The following TAFA4 variants were observed in gnomAD, a reference collection of about 807,000 sequenced individuals.
TAFA4 encodes the protein TAFA chemokine like family member 4.
TAFA4 carries 20 observed loss-of-function variants against 21.1 expected under a neutral mutation model. The observed-to-expected ratio is 0.95, with a 90% CI of 0.67 to 1.38. The LOEUF is 1.38. Ranked by LOEUF, TAFA4 falls within the 40% of genes most tolerant of loss-of-function variation. The probability of loss-of-function intolerance (pLI) is 0.00; values close to 1 mark genes in which losing one functional copy is unlikely to be tolerated. For synonymous variants in TAFA4, 71 were observed against 67.4 expected (o/e 1.05, Z -0.26); for missense variants, 211 against 180.9 (o/e 1.17, Z -0.95).
intron 3 of TAFA4, among the ~76,000 whole-genome samples, chr3:68,787,554 G>A (rs1052194522): frequency 1.3e-5 from 2 of 152,050 alleles, no homozygotes; most frequent in Admixed American, 6.6e-5. Context: ...AGGGAAGAGG[G>A]CGAACGTCCA....
chr3:68,879,181 C>T lies in TAFA4; in HGVS notation c.130+1549G>A, dbSNP rs528380210. Among the ~76,000 whole-genome samples the T allele has an allele frequency of 2.0e-5, 3 of 152,240 alleles. No individual in the cohort carries two copies. In the East Asian group the frequency reaches 5.8e-4, roughly 29 times the overall value. On this transcript the variant is annotated intron_variant, in intron 3 of 5. Transcript: ENST00000295569. ...GCCTCTCTGGACACTCAGACACAGC[C>T]GTTTGCAGATAACACTCTGCAACTT...
chr3:68,736,816 A>G (rs6786379), intron 5 of TAFA4, among the ~76,000 whole-genome samples: 96,832 of 151,974 alleles, frequency 0.64, 31,314 homozygotes, highest in East Asian at 0.86. Context: ...ACACTGACTT[A>G]GATTAATAAA....
intron 1 of TAFA4, among the ~76,000 whole-genome samples, chr3:68,931,907 C>A (rs1245724302): frequency 6.6e-6 from 1 of 152,168 alleles, no homozygotes. Context: ...CCCCCTATAC[C>A]AATTCATCGA....
intron 3 of TAFA4, among the ~76,000 whole-genome samples, chr3:68,803,382 C>T (rs776847123): frequency 1.3e-5 from 2 of 152,204 alleles, no homozygotes; most frequent in South Asian, 2.1e-4. Context: ...GACAAGAGTC[C>T]GACATCCACT....
rs539638560 is a variant in TAFA4 at position 68,859,099 on chromosome 3, T to G, written c.130+21631A>C. 5.8e-4 allele frequency among the ~76,000 whole-genome samples: 88 copies of G among 152,232 alleles called. 2 individuals are homozygous for G. The highest frequency in any genetic ancestry group is 2.0e-3 in the African/African-American group (84 of 41,566). Reference sequence around the variant, plus strand: ...GTGTTGTGCCAATTTAGGATTATTATGTCAAATCTTGTGATTTTCACACAA... The same window carrying G: ...GTGTTGTGCCAATTTAGGATTATTAGGTCAAATCTTGTGATTTTCACACAA... On this transcript the variant is annotated intron_variant, in intron 3 of 5. Transcript: ENST00000295569.
intron 1 of TAFA4, among the ~76,000 whole-genome samples, chr3:68,904,555 C>T (rs966733321): frequency 2.6e-5 from 4 of 152,182 alleles, no homozygotes; most frequent in African/African-American, 9.7e-5. Context: ...GGACAGGCAA[C>T]AATGAAGTGA....
At chr3:68,857,299 A>G (rs1414462977) in intron 3 of TAFA4, among the ~76,000 whole-genome samples, 1 of 152,206 alleles carries the variant, frequency 6.6e-6, no homozygotes, top group Non-Finnish European at 1.5e-5. Flanking sequence ...GTTCCTCTTA[A>G]TAAGGGACTA....
intron 3 of TAFA4, among the ~76,000 whole-genome samples, chr3:68,816,827 A>G (rs1370741067): frequency 2.0e-5 from 3 of 152,206 alleles, no homozygotes; most frequent in Admixed American, 2.0e-4. Context: ...AGTCTATTCA[A>G]TAACTTTATG....
chr3:68,891,427 G>T (rs1454464956), intron 1 of TAFA4, among the ~76,000 whole-genome samples: 1 of 152,172 alleles, frequency 6.6e-6, no homozygotes, highest in Non-Finnish European at 1.5e-5. Context: ...AGAGTGAGGA[G>T]GTTTGGATAA....
intron 4 of TAFA4, among the ~76,000 whole-genome samples, chr3:68,746,946 C>T (rs993371199): frequency 1.3e-5 from 2 of 152,292 alleles, no homozygotes; most frequent in South Asian, 2.1e-4. Flanking sequence ...TAAGGCAGCA[C>T]TTCCGGCCTC....
chr3:68,780,658 G>A (rs1032441246), intron 3 of TAFA4, among the ~76,000 whole-genome samples: 2 of 152,186 alleles, frequency 1.3e-5, no homozygotes, highest in African/African-American at 2.4e-5. Context: ...ACATGGAACT[G>A]TAAATCTAAT....
At chr3:68,851,111 G>T (rs1425539888) in intron 3 of TAFA4, among the ~76,000 whole-genome samples, 2 of 152,096 alleles carry the variant, frequency 1.3e-5, no homozygotes, top group East Asian at 1.9e-4. Flanking sequence ...ACCAATGATA[G>T]ACTGGATAAA....
chr3:68,770,678 T>C (rs973023662), intron 3 of TAFA4, among the ~76,000 whole-genome samples: 1 of 152,174 alleles, frequency 6.6e-6, no homozygotes, highest in African/African-American at 2.4e-5. Context: ...TGGAGGCACA[T>C]GCCGGCTCTC....
intron 3 of TAFA4, among the ~76,000 whole-genome samples, chr3:68,831,277 C>A (rs1324921299): frequency 6.6e-6 from 1 of 152,078 alleles, no homozygotes; most frequent in Non-Finnish European, 1.5e-5. Context: ...AGTTTCTTCA[C>A]AGTGTCGATG....
intron 3 of TAFA4, among the ~76,000 whole-genome samples, chr3:68,779,181 C>T (rs1420561223): frequency 6.6e-6 from 1 of 152,122 alleles, no homozygotes; most frequent in Non-Finnish European, 1.5e-5. Context: ...AGTGTATCTA[C>T]TGGAAGAAAT....
chr3:68,744,916 T>G lies in TAFA4; in HGVS notation c.287-5717A>C, dbSNP rs140712812. On this transcript the variant is annotated intron_variant, in intron 4 of 5. Transcript: ENST00000295569. ...CTTAAAATAGCAAGCTGCCCTGAAA[T>G]GTAAAGGAGTCCTATTTGCAAATAT... Among the ~76,000 whole-genome samples, 648 of 152,244 alleles carry G rather than the reference T, an allele frequency of 4.3e-3. 4 individuals carry two copies. The highest frequency in any genetic ancestry group is 0.017 in the Middle Eastern group (5 of 294).
chr3:68,888,299 G>GC (rs2089694672), intron 1 of TAFA4, among the ~76,000 whole-genome samples: 1 of 151,924 alleles, frequency 6.6e-6, no homozygotes, highest in Non-Finnish European at 1.5e-5. Flanking sequence ...CATCAGAATG[G>GC]CCCTTACCGT....
intron 3 of TAFA4, among the ~76,000 whole-genome samples, chr3:68,836,174 T>A (rs952060457): frequency 4.6e-5 from 7 of 152,186 alleles, no homozygotes; most frequent in Non-Finnish European, 7.3e-5. Flanking sequence ...GATGTAAGAA[T>A]TGAATATTGG....
At chr3:68,844,115 T>C (rs1704732002) in intron 3 of TAFA4, among the ~76,000 whole-genome samples, 2 of 152,192 alleles carry the variant, frequency 1.3e-5, no homozygotes, top group South Asian at 4.1e-4. Context: ...TTTGTACCTC[T>C]GGTAGAATTT....
Sources: gnomAD v4.1 joint callset for allele counts (sites outside exome capture counted in the v4.1 genomes callset) on GRCh38, gnomAD v4.1.1 for gene constraint, MANE v1.5 for transcripts, NCBI Gene and HGNC (gene_info 2026-07-23, HGNC 2026-07-21) for gene names.